Variants in TTLL1 observed in about 807,000 individuals in gnomAD.
The protein encoded by TTLL1 is polyglutamylase complex subunit TTLL1.
Under a neutral mutation model 47.8 loss-of-function variants are expected in TTLL1, and 33 were observed. The observed-to-expected ratio is 0.69, with a 90% CI of 0.52 to 0.92. The LOEUF is 0.92. Ranked by LOEUF, TTLL1 falls within the 40% of genes least tolerant of loss-of-function variation. TTLL1 has a pLI of 0.00. For synonymous variants in TTLL1, 225 were observed against 214.1 expected (o/e 1.05, Z -0.45); for missense variants, 488 against 547.5 (o/e 0.89, Z 1.08).
chr22:43,058,210 C>T (rs916862419), intron 8 of TTLL1, among the ~76,000 whole-genome samples: 1 of 152,098 alleles, frequency 6.6e-6, no homozygotes, highest in Admixed American at 6.6e-5. Flanking sequence ...TCCCAAAGTG[C>T]TGGGATTACA....
rs1601654308 is a variant in TTLL1 at position 43,046,471 on chromosome 22, T to C, written c.1081A>G (p.Ile361Val). ...GACTTGTTCCATTTGCAGTCTGGGA[T>C]TTCACCATTCGGGACGGCGATGTTG... is the stretch of plus-strand genomic sequence containing the variant. ...TLNIAVPNGEIPDCKWNKSPP... is the reference protein window; with the variant it reads ...TLNIAVPNGEVPDCKWNKSPP... The change falls in exon 10 of 11, where the codon ATC (isoleucine) becomes GTC (valine). Residue 361 changes from isoleucine to valine, a missense_variant. Physicochemically the swap from Ile to Val is conservative, Grantham distance 29. Coordinates refer to ENST00000266254, the MANE Select transcript of TTLL1 (RefSeq NM_012263.5). 1 of 1,613,946 alleles carries C rather than the reference T, an allele frequency of 6.2e-7. No individual in the cohort carries two copies. The highest frequency in any genetic ancestry group is 1.3e-5 in the African/African-American group (1 of 74,888).
At chr22:43,059,274 G>A (rs566328731) in intron 8 of TTLL1, 110 bp downstream of exon 8, 14 of 1,455,224 alleles carry the variant, frequency 9.6e-6, no homozygotes, top group South Asian at 4.1e-5. Flanking sequence ...GATTACAGGC[G>A]TGAGCCGCCG....
At chr22:43,045,320 T>C (rs948264766) in intron 10 of TTLL1, among the ~76,000 whole-genome samples, 3 of 152,272 alleles carry the variant, frequency 2.0e-5, no homozygotes, top group Admixed American at 2.0e-4. Context: ...ACCTGTGAAA[T>C]GGAGCTAATA....
At chr22:43,043,444 C>A (rs797022738) in intron 10 of TTLL1, among the ~76,000 whole-genome samples, 23 of 152,146 alleles carry the variant, frequency 1.5e-4, no homozygotes, top group African/African-American at 3.9e-4. Context: ...CACTCACAGA[C>A]CCCCTCAGTC....
At chr22:43,061,126 G>T (rs1409684581) in intron 7 of TTLL1, among the ~76,000 whole-genome samples, 1 of 152,172 alleles carries the variant, frequency 6.6e-6, no homozygotes, top group Non-Finnish European at 1.5e-5. Context: ...GAAGGCAGAG[G>T]TTGCAGTGAG....
At chr22:43,066,645 C>G (rs2146978021) in intron 5 of TTLL1, among the ~76,000 whole-genome samples, 1 of 151,268 alleles carries the variant, frequency 6.6e-6, no homozygotes, top group African/African-American at 2.4e-5. Flanking sequence ...TCGCTTGGGC[C>G]TAGGAGGTTG....
rs200467603 is a variant in TTLL1 at position 43,050,352 on chromosome 22, G to C, written c.978+1449C>G. On this transcript the variant is annotated intron_variant, in intron 9 of 10. Coordinates refer to ENST00000266254, the MANE Select transcript of TTLL1 (RefSeq NM_012263.5). ...AATCGCTTAAACCCGGGAGGCGGAG[G>C]TTGCAGTGAGCCGAGATCGTGCCAT... 8.4e-4 allele frequency among the ~76,000 whole-genome samples: 127 copies of C among 151,608 alleles called. 1 individual carries two copies. The East Asian group carries it at 0.023, about 27-fold the overall frequency.
chr22:43,069,802 A>C lies in TTLL1; in HGVS notation c.156T>G (p.Ala52=). The C allele has an allele frequency of 6.2e-7, 1 of 1,614,234 alleles. No individual in the cohort carries two copies. The highest frequency in any genetic ancestry group is 8.5e-7 in the Non-Finnish European group (1 of 1,180,044). The change falls in exon 4 of 11, where the codon GCT becomes GCG. Residue 52 remains alanine (A), a synonymous_variant. Coordinates refer to ENST00000266254, the MANE Select transcript of TTLL1 (RefSeq NM_012263.5). ...QTIRNVFSVE[A]GYRLSDDQIV... ...TTTGGTCATCTGAGAGCCGATATCC[A>C]GCTTCAACGCTGAACACATTTCGGA...
chr22:43,051,264 G>C (rs1294791671), intron 9 of TTLL1, among the ~76,000 whole-genome samples: 1 of 152,262 alleles, frequency 6.6e-6, no homozygotes, highest in African/African-American at 2.4e-5. Flanking sequence ...GGTCGCACCA[G>C]CCAGGCTTGG....
At chr22:43,051,504 G>A (rs1926618090) in intron 9 of TTLL1, among the ~76,000 whole-genome samples, 1 of 152,182 alleles carries the variant, frequency 6.6e-6, no homozygotes, top group East Asian at 1.9e-4. Flanking sequence ...CTGGGGGACA[G>A]GGTGCAGGAC....
chr22:43,071,500 C>T (rs938586293), intron 3 of TTLL1, among the ~76,000 whole-genome samples: 2 of 152,170 alleles, frequency 1.3e-5, no homozygotes, highest in African/African-American at 4.8e-5. Context: ...ACCTCTGCCT[C>T]GCAGGTTCGA....
chr22:43,086,916 A>G (rs1443575194), intron 1 of TTLL1, among the ~76,000 whole-genome samples: 1 of 152,194 alleles, frequency 6.6e-6, no homozygotes, highest in Non-Finnish European at 1.5e-5. Context: ...TTCATACTGC[A>G]TTCAGAATGA....
chr22:43,044,610 C>T (rs1342289266), intron 10 of TTLL1, among the ~76,000 whole-genome samples: 5 of 152,136 alleles, frequency 3.3e-5, no homozygotes, highest in Non-Finnish European at 4.4e-5. Flanking sequence ...CCTACTCCTC[C>T]GCCTTTTACT....
chr22:43,070,832 C>A (rs537013538), intron 3 of TTLL1, among the ~76,000 whole-genome samples: 1 of 152,216 alleles, frequency 6.6e-6, no homozygotes, highest in East Asian at 1.9e-4. Context: ...GATTCTCTAA[C>A]GGTTCAAGAC....
At chr22:43,085,317 G>A (rs1929161757) in intron 1 of TTLL1, among the ~76,000 whole-genome samples, 1 of 152,192 alleles carries the variant, frequency 6.6e-6, no homozygotes, top group Non-Finnish European at 1.5e-5. Flanking sequence ...CAGGTACTGG[G>A]TGGGGTAGTT....
intron 3 of TTLL1, among the ~76,000 whole-genome samples, chr22:43,072,399 C>A (rs2146984105): frequency 6.6e-6 from 1 of 152,224 alleles, no homozygotes; most frequent in Middle Eastern, 3.4e-3. Flanking sequence ...TGTGATCCGC[C>A]CATCTCGGCC....
At chr22:43,043,130 G>A (rs539656421) in intron 10 of TTLL1, among the ~76,000 whole-genome samples, 4 of 151,738 alleles carry the variant, frequency 2.6e-5, no homozygotes, top group Non-Finnish European at 5.9e-5. Context: ...TAGCAGAGAC[G>A]GGATTTCACC....
chr22:43,068,429 G>T lies in TTLL1; in HGVS notation c.484C>A (p.Arg162=), dbSNP rs776273674. Reference sequence around the variant, plus strand: ...ACTTACGAAGATGTCTTGCTGTCCCGGGACCACTTTTTGATCTGTGAGAGC... The same window carrying T: ...ACTTACGAAGATGTCTTGCTGTCCCTGGACCACTTTTTGATCTGTGAGAGC... The part of the protein sequence containing the change: ...NKLSQIKKWS[R]DSKTSSFVSQ... Residue 162 remains arginine, a synonymous_variant, in exon 5 of 11, where the codon CGG becomes AGG. Transcript: ENST00000266254. The T allele has an allele frequency of 5.2e-6, 8 of 1,537,290 alleles. 1 individual carries two copies. In the Middle Eastern group the frequency reaches 1.2e-3, roughly 235 times the overall value.
chr22:43,084,416 T>C (rs1480342730), intron 1 of TTLL1, among the ~76,000 whole-genome samples: 1 of 152,138 alleles, frequency 6.6e-6, no homozygotes, highest in African/African-American at 2.4e-5. Context: ...TGCCAAAGTG[T>C]TGGGATTACA....
Sources: allele counts gnomAD v4.1 joint callset (sites outside exome capture counted in the v4.1 genomes callset), GRCh38; gene constraint gnomAD v4.1.1; transcripts MANE v1.5; gene names NCBI Gene and HGNC (gene_info 2026-07-23, HGNC 2026-07-21).